Variants in GOLGA8A observed in about 807,000 individuals in gnomAD.
The protein encoded by GOLGA8A is golgin A8 family member A, also known as golgin subfamily A member 8A.
A neutral mutation model predicts 22.1 loss-of-function variants in GOLGA8A; 3 were observed. The ratio of observed to expected loss-of-function variants is 0.14; its 90% CI spans 0.06 to 0.35. GOLGA8A has a LOEUF of 0.35. GOLGA8A is among the 10% of genes least tolerant of loss of function. The pLI, the probability that GOLGA8A is intolerant of heterozygous loss-of-function variation, is 1.00. For missense variants in GOLGA8A, 16 were observed against 233.2 expected (o/e 0.07, Z 6.07); for synonymous variants, 7 against 91.7 (o/e 0.08, Z 5.28).
chr15:34,426,779 T>G (rs1391834012), intron 2 of GOLGA8A, among the ~76,000 whole-genome samples: 1 of 143,882 alleles, frequency 7.0e-6, no homozygotes, highest in African/African-American at 2.5e-5. Flanking sequence ...TACAGTGGCA[T>G]GTACCTGTAG....
chr15:34,430,919 C>A (rs994844924), intron 2 of GOLGA8A, among the ~76,000 whole-genome samples: 1 of 149,270 alleles, frequency 6.7e-6, no homozygotes, highest in Non-Finnish European at 1.5e-5. Context: ...CCCCACTGCA[C>A]CACACCCGTG....
chr15:34,425,084 CA>C (rs1892927311), intron 2 of GOLGA8A, among the ~76,000 whole-genome samples: 2 of 144,278 alleles, frequency 1.4e-5, no homozygotes, highest in South Asian at 4.7e-4. Context: ...AAGACAGTCT[CA>C]AAAAATAAAT....
intron 2 of GOLGA8A, among the ~76,000 whole-genome samples, chr15:34,424,024 C>T (rs1429246428): frequency 1.4e-5 from 2 of 147,834 alleles, no homozygotes; most frequent in Non-Finnish European, 3.0e-5. Context: ...ACCCTCTGAG[C>T]CCCCTGCCTG....
Position 34,424,213 on chromosome 15 carries a change from C to T in GOLGA8A, c.-1123+11170G>A, listed in dbSNP as rs1296730131. 2.1e-5 allele frequency among the ~76,000 whole-genome samples: 3 copies of T among 139,590 alleles called. No homozygotes were observed. In the East Asian group the frequency reaches 6.6e-4, roughly 31 times the overall value. 91.6% of individuals were successfully genotyped at this position (139,590 alleles called of 152,430 possible). On this transcript the variant is annotated intron_variant, in intron 2 of 24. Transcript: ENST00000359187. ...CTTAAACTGTCCACCGGCCTGCTTC[C>T]ACTCTGTGACACAGCGGCTGCCCTG...
chr15:34,433,782 A>T (rs2339439), intron 2 of GOLGA8A, among the ~76,000 whole-genome samples: 25 of 149,784 alleles, frequency 1.7e-4, no homozygotes, highest in East Asian at 7.8e-4. Context: ...GTCTTTTACA[A>T]TTGAGTGGTA....
At position 34,427,049 on chromosome 15, in the gene GOLGA8A, T is replaced by C. The variant is rs1469521096; in HGVS notation, c.-1123+8334A>G. 1.4e-5 allele frequency among the ~76,000 whole-genome samples: 2 copies of C among 147,562 alleles called. 1 individual carries two copies. The highest frequency in any genetic ancestry group is 3.0e-5 in the Non-Finnish European group (2 of 66,724). ...AAGCACTTTAAAATTCACCAGAAGT[T>C]AGGCCGGGCACGGTGGCTCACGCCT... On this transcript the variant is annotated intron_variant, in intron 2 of 24. Coordinates refer to ENST00000359187, the MANE Select transcript of GOLGA8A (RefSeq NM_181077.5).
chr15:34,436,664 C>G (rs1893529417), intron 1 of GOLGA8A, among the ~76,000 whole-genome samples: 1 of 149,798 alleles, frequency 6.7e-6, no homozygotes, highest in Admixed American at 6.7e-5. Flanking sequence ...CTTACCAAGG[C>G]CCGCCGCCCG....
At chr15:34,429,579 AC>A (rs1235511951) in intron 2 of GOLGA8A, among the ~76,000 whole-genome samples, 1 of 149,006 alleles carries the variant, frequency 6.7e-6, no homozygotes, top group Non-Finnish European at 1.5e-5. Flanking sequence ...AGGGCCTTGG[AC>A]CCAGAGCCAG....
At chr15:34,437,314 C>G (rs1011464482) in intron 1 of GOLGA8A, 84 bp downstream of exon 1, 2 of 143,868 alleles carry the variant, frequency 1.4e-5, no homozygotes, top group Non-Finnish European at 3.1e-5. Flanking sequence ...CGCCGCCCCC[C>G]ACGCGTCCGG....
In GOLGA8A at chr15:34,425,040, T is replaced by G. The variant is rs1328576423; in HGVS notation, c.-1123+10343A>C. 3.4e-5 allele frequency among the ~76,000 whole-genome samples: 5 copies of G among 146,770 alleles called. No individual in the cohort carries two copies. The East Asian group carries it at 1.0e-3, about 30-fold the overall frequency. ...AAGTCAAGGCTGCAATGAGCCGTGT[T>G]CGCACCGCTGCAATCCAGCCTGGGT... On this transcript the variant is annotated intron_variant, in intron 2 of 24. Coordinates refer to ENST00000359187, the MANE Select transcript of GOLGA8A (RefSeq NM_181077.5).
chr15:34,426,012 A>G (rs1223821955), intron 2 of GOLGA8A, among the ~76,000 whole-genome samples: 1 of 145,560 alleles, frequency 6.9e-6, no homozygotes, highest in Non-Finnish European at 1.5e-5. Context: ...ATCATTTAGA[A>G]TGGTCACCAC....
chr15:34,435,169 G>A lies in GOLGA8A; in HGVS notation c.-1123+214C>T, dbSNP rs146168754. Reference sequence around the variant, plus strand: ...TGCCGGAGAGGAGCTGAGGCCTGGAGGGGGCCTCTGCAGCCAGGCTCAACC... The same window carrying A: ...TGCCGGAGAGGAGCTGAGGCCTGGAAGGGGCCTCTGCAGCCAGGCTCAACC... On this transcript the variant is annotated intron_variant, in intron 2 of 24. Coordinates refer to ENST00000359187, the MANE Select transcript of GOLGA8A (RefSeq NM_181077.5). Among the ~76,000 whole-genome samples the A allele has an allele frequency of 1.3e-5, 2 of 149,402 alleles. 1 individual carries two copies. The highest frequency in any genetic ancestry group is 4.0e-4 in the East Asian group (2 of 5,060).
At position 34,379,227 on chromosome 15, in the gene GOLGA8A, C is replaced by T. The variant is rs1262057597; in HGVS notation, c.*2184G>A. 6.6e-6 allele frequency: 1 copy of T among 152,648 alleles called. No homozygotes were observed. Among genetic ancestry groups the T allele is most frequent in the Non-Finnish European group, 1.5e-5 (1 of 68,038 alleles). The allele number at this position is 152,648 out of a possible 1,614,324, so 9.5% of individuals were successfully genotyped here. On this transcript the variant is annotated 3_prime_UTR_variant, in exon 25 of 25. Coordinates refer to ENST00000359187, the MANE Select transcript of GOLGA8A (RefSeq NM_181077.5). Reference sequence around the variant, plus strand: ...TTCTAAGAAAACTTGGCAAATAACGCTTTGGCCTGGAATTGGCATTTCTTT... The same window carrying T: ...TTCTAAGAAAACTTGGCAAATAACGTTTTGGCCTGGAATTGGCATTTCTTT...
At chr15:34,425,782 A>C (rs1232672497) in intron 2 of GOLGA8A, among the ~76,000 whole-genome samples, 1 of 146,928 alleles carries the variant, frequency 6.8e-6, no homozygotes, top group Admixed American at 7.0e-5. Context: ...AAGGATGAAA[A>C]AGAGAATTAG....
At chr15:34,431,316 T>C (rs1181005472) in intron 2 of GOLGA8A, among the ~76,000 whole-genome samples, 316 of 11,450 alleles carry the variant, frequency 0.028, 1 homozygote, top group African/African-American at 0.063. Flanking sequence ...TATATACATA[T>C]ATATATATAT....
chr15:34,436,870 C>G (rs1175517525), intron 1 of GOLGA8A, among the ~76,000 whole-genome samples: 4 of 149,758 alleles, frequency 2.7e-5, no homozygotes, highest in Non-Finnish European at 4.5e-5. Flanking sequence ...TTGAGTTTTT[C>G]CCTCTGGGCC....
chr15:34,435,904 C>G (rs1365299355), intron 1 of GOLGA8A, among the ~76,000 whole-genome samples: 1 of 148,978 alleles, frequency 6.7e-6, no homozygotes, highest in Non-Finnish European at 1.5e-5. Flanking sequence ...GGACACTGCC[C>G]GGAGCCCCAG....
At chr15:34,426,045 A>G (rs1234987336) in intron 2 of GOLGA8A, among the ~76,000 whole-genome samples, 1 of 146,844 alleles carries the variant, frequency 6.8e-6, no homozygotes, top group African/African-American at 2.5e-5. Flanking sequence ...CAATCTGGCA[A>G]TATCTGTTGA....
At chr15:34,411,849 TG>T (rs1165702557) in intron 2 of GOLGA8A, among the ~76,000 whole-genome samples, 1 of 118,284 alleles carries the variant, frequency 8.5e-6, no homozygotes, top group Non-Finnish European at 1.7e-5. Context: ...CACCCACGTC[TG>T]CCCCCAACTC....
Sources: allele counts gnomAD v4.1 joint callset (sites outside exome capture counted in the v4.1 genomes callset), GRCh38; gene constraint gnomAD v4.1.1; transcripts MANE v1.5; gene names NCBI Gene and HGNC (gene_info 2026-07-23, HGNC 2026-07-21).